Variants in CLYBL observed in about 807,000 individuals in gnomAD.
CLYBL encodes the protein citramalyl-CoA lyase, mitochondrial.
A neutral mutation model predicts 38.9 loss-of-function variants in CLYBL; 31 were observed. That is an observed-to-expected ratio of 0.80 (90% CI 0.60 to 1.08). CLYBL has a LOEUF of 1.08. Ranked by LOEUF, CLYBL falls within the 50% of genes least tolerant of loss-of-function variation. The pLI, the probability that CLYBL is intolerant of heterozygous loss-of-function variation, is 0.00. For missense variants in CLYBL, 434 were observed against 411.6 expected, an observed-to-expected ratio of 1.05 and a Z score of -0.47; for synonymous variants, 171 against 158.6, an observed-to-expected ratio of 1.08 and a Z score of -0.59.
chr13:99,690,322 TTC>T (rs1482792856), intron 1 of CLYBL: 1 of 152,202 alleles, frequency 6.6e-6, no homozygotes, highest in African/African-American at 2.4e-5. Context: ...TGTTTTCAGC[TTC>T]TGTCTTTGCT....
intron 2 of CLYBL, among the ~76,000 whole-genome samples, chr13:99,855,242 C>T (rs537675172): frequency 7.2e-5 from 11 of 152,310 alleles, no homozygotes; most frequent in African/African-American, 2.6e-4. Context: ...AATGCAGTCC[C>T]TCTCAAACCT....
At chr13:99,722,275 C>G (rs2048404561) in intron 1 of CLYBL, among the ~76,000 whole-genome samples, 2 of 152,136 alleles carry the variant, frequency 1.3e-5, no homozygotes, top group Admixed American at 1.3e-4. Context: ...CACTCTGACC[C>G]CTACTTATTG....
chr13:99,791,328 ACT>A (rs1164273391), intron 2 of CLYBL, among the ~76,000 whole-genome samples: 2 of 151,056 alleles, frequency 1.3e-5, no homozygotes, highest in Non-Finnish European at 2.9e-5. Flanking sequence ...CCCTTTGTAA[ACT>A]CTGAAATGCT....
At chr13:99,730,549 CCTCCGGGTATGGAGATGGG>C (rs2048570267) in intron 1 of CLYBL, among the ~76,000 whole-genome samples, 1 of 152,194 alleles carries the variant, frequency 6.6e-6, no homozygotes, top group African/African-American at 2.4e-5. Flanking sequence ...AAGGTGGCTC[CCTCCGGGTATGGAGATGGG>C]GTGAGCCTGG....
chr13:99,857,296 C>G (rs887534994), intron 2 of CLYBL, among the ~76,000 whole-genome samples: 3 of 152,008 alleles, frequency 2.0e-5, no homozygotes, highest in African/African-American at 7.2e-5. Flanking sequence ...GCCTGGGTGA[C>G]AGAGTGAGAC....
chr13:99,734,064 A>C (rs2139579872), intron 1 of CLYBL, among the ~76,000 whole-genome samples: 1 of 152,314 alleles, frequency 6.6e-6, no homozygotes, highest in Middle Eastern at 3.4e-3. Flanking sequence ...TATGATCCTT[A>C]ATCTTTTAGA....
At chr13:99,788,301 G>A (rs2049842047) in intron 2 of CLYBL, among the ~76,000 whole-genome samples, 1 of 152,184 alleles carries the variant, frequency 6.6e-6, no homozygotes. Flanking sequence ...AATGCTTCCA[G>A]TTTTTGCCCA....
chr13:99,906,928 C>G (rs182834112), intron 9 of CLYBL, among the ~76,000 whole-genome samples: 161 of 152,326 alleles, frequency 1.1e-3, no homozygotes, highest in African/African-American at 3.5e-3. Flanking sequence ...TTCTTTGACC[C>G]TTTGCGTCTA....
intron 1 of CLYBL, among the ~76,000 whole-genome samples, chr13:99,671,621 A>G (rs954399438): frequency 2.6e-4 from 39 of 152,028 alleles, no homozygotes; most frequent in African/African-American, 8.7e-4. Flanking sequence ...CTCTACTAAA[A>G]ATACAAAAAT....
intron 1 of CLYBL, among the ~76,000 whole-genome samples, chr13:99,620,743 C>T (rs1158850566): frequency 6.6e-6 from 1 of 150,916 alleles, no homozygotes; most frequent in Non-Finnish European, 1.5e-5. Context: ...TGCCATTGCA[C>T]TCCAGCCTGG....
At chr13:99,648,290 G>A (rs1012055074) in intron 1 of CLYBL, among the ~76,000 whole-genome samples, 3 of 152,080 alleles carry the variant, frequency 2.0e-5, no homozygotes, top group South Asian at 2.1e-4. Context: ...TCAAGTCCTC[G>A]GACAAAAATC....
chr13:99,748,175 T>G (rs1394574037), intron 1 of CLYBL, among the ~76,000 whole-genome samples: 1 of 151,970 alleles, frequency 6.6e-6, no homozygotes, highest in Non-Finnish European at 1.5e-5. Context: ...AGGTCAGAAG[T>G]TCGAGACCAG....
chr13:99,752,848 C>T (rs919039833), intron 1 of CLYBL, among the ~76,000 whole-genome samples: 2 of 152,146 alleles, frequency 1.3e-5, no homozygotes, highest in Non-Finnish European at 2.9e-5. Context: ...CCCCACCAAA[C>T]AGGAAGGGTG....
intron 1 of CLYBL, among the ~76,000 whole-genome samples, 190 bp downstream of exon 1, chr13:99,606,947 G>A (rs1324242916): frequency 3.9e-5 from 6 of 152,212 alleles, no homozygotes; most frequent in African/African-American, 1.4e-4. Flanking sequence ...CTCCCTTTGG[G>A]AGGGCCCTCG....
At chr13:99,775,638 A>G (rs1257169723) in intron 2 of CLYBL, among the ~76,000 whole-genome samples, 1 of 152,034 alleles carries the variant, frequency 6.6e-6, no homozygotes, top group African/African-American at 2.4e-5. Context: ...CTTCCTAAGC[A>G]GCTGGGACTA....
At chr13:99,841,485 C>T (rs1311823107) in intron 2 of CLYBL, among the ~76,000 whole-genome samples, 3 of 151,956 alleles carry the variant, frequency 2.0e-5, no homozygotes, top group Admixed American at 6.6e-5. Context: ...CTGCAACCTC[C>T]GCCTCCCGGG....
intron 1 of CLYBL, among the ~76,000 whole-genome samples, chr13:99,652,950 A>G (rs1170834723): frequency 2.0e-5 from 3 of 152,220 alleles, no homozygotes; most frequent in Non-Finnish European, 4.4e-5. Context: ...CTGGGGAGAC[A>G]CACCCTAAAA....
intron 1 of CLYBL, among the ~76,000 whole-genome samples, chr13:99,761,048 C>T (rs754535425): frequency 1.4e-4 from 22 of 152,274 alleles, no homozygotes; most frequent in Admixed American, 4.6e-4. Context: ...CCTCTGGTAA[C>T]CGTTAATATT....
chr13:99,686,517 AG>A (rs2047820552), intron 1 of CLYBL, among the ~76,000 whole-genome samples: 1 of 147,398 alleles, frequency 6.8e-6, no homozygotes, highest in African/African-American at 2.5e-5. Context: ...TTCAACAGAG[AG>A]AGAGAGAGAG....
Sources: allele counts gnomAD v4.1 joint callset (sites outside exome capture counted in the v4.1 genomes callset), GRCh38; gene constraint gnomAD v4.1.1; transcripts MANE v1.5; gene names NCBI Gene and HGNC (gene_info 2026-07-23, HGNC 2026-07-21).